The following THUMPD2 variants were observed in gnomAD, a reference collection of about 807,000 sequenced individuals.
The protein encoded by THUMPD2 is THUMP domain 2 tRNA and snRNA guanosine methyltransferase.
A neutral mutation model predicts 49.4 loss-of-function variants in THUMPD2; 56 were observed. The ratio of observed to expected loss-of-function variants is 1.13; its 90% CI spans 0.91 to 1.41. The LOEUF (loss-of-function observed/expected upper bound fraction) is 1.41, where lower values mean the gene tolerates loss of function less well. Among genes scored for constraint, THUMPD2 ranks in the 40% most tolerant of loss-of-function variants. The pLI, the probability that THUMPD2 is intolerant of heterozygous loss-of-function variation, is 0.00. For missense variants in THUMPD2, 709 were observed against 594.5 expected, an observed-to-expected ratio of 1.19 and a Z score of -2.00; for synonymous variants, 237 against 205.2, an observed-to-expected ratio of 1.15 and a Z score of -1.32.
At chr2:39,766,291 A>G in intron 4 of THUMPD2, 182 bp from the exon 5 acceptor site, 1 of 443,976 alleles carries the variant, frequency 2.3e-6, no homozygotes, top group Non-Finnish European at 4.0e-6. Flanking sequence ...GAAGGAAACT[A>G]AATTTTAAGT....
chr2:39,749,421 T>C (rs1675082907), intron 8 of THUMPD2, among the ~76,000 whole-genome samples: 1 of 152,230 alleles, frequency 6.6e-6, no homozygotes, highest in African/African-American at 2.4e-5. Flanking sequence ...CAGCTTCATT[T>C]TGCTTAGGTG....
At chr2:39,751,909 A>G (rs1448457920) in intron 8 of THUMPD2, among the ~76,000 whole-genome samples, 1 of 152,120 alleles carries the variant, frequency 6.6e-6, no homozygotes, top group Non-Finnish European at 1.5e-5. Flanking sequence ...CTGGTCTCGA[A>G]TTCTTGAGCT....
Position 39,737,066 on chromosome 2 carries a change from C to G in THUMPD2, c.1188-7G>C, listed in dbSNP as rs748483013. 6 of 1,368,470 alleles carry G rather than the reference C, an allele frequency of 4.4e-6. No homozygotes were observed. Among genetic ancestry groups the G allele is most frequent in the Non-Finnish European group, 5.9e-6 (6 of 1,016,064 alleles). The allele number at this position is 1,368,470 out of a possible 1,614,324, so 84.8% of individuals were successfully genotyped here. A position where few individuals can be genotyped will look rare whatever the true frequency, so the allele number is the denominator to read the frequency against. ...TCCGCCAACATGAAGCACTCTGTGA[C>G]AAAAAAAAAATGGTAATTGCTATCT... is the stretch of plus-strand genomic sequence containing the variant. On this transcript the variant is annotated splice_region_variant and splice_polypyrimidine_tract_variant and intron_variant, in intron 9 of 9. Transcript: ENST00000505747.
rs76235339 is a variant in THUMPD2, at chr2:39,778,032, C to A, written c.126+1082G>T. Reference sequence around the variant, plus strand: ...TATACTCATTCTTGATTTCCCAGCTCGGGTTTGAATCCCATCTTTGCGATT... The same window carrying A: ...TATACTCATTCTTGATTTCCCAGCTAGGGTTTGAATCCCATCTTTGCGATT... On this transcript the variant is annotated intron_variant, in intron 1 of 9. Transcript: ENST00000505747. 5.5e-3 allele frequency among the ~76,000 whole-genome samples: 843 copies of A among 152,250 alleles called. 30 individuals carry two copies. In the East Asian group the frequency reaches 0.092, roughly 17 times the overall value.
At chr2:39,778,994 G>T in intron 1 of THUMPD2, 120 bp downstream of exon 1, 2 of 1,270,490 alleles carry the variant, frequency 1.6e-6, no homozygotes, top group Non-Finnish European at 1.0e-6. Flanking sequence ...GGGGGTCGGC[G>T]ACCGTCGCGT....
intron 8 of THUMPD2, among the ~76,000 whole-genome samples, chr2:39,747,320 G>T (rs976125779): frequency 2.6e-5 from 4 of 152,110 alleles, no homozygotes; most frequent in African/African-American, 7.2e-5. Context: ...TGCTGAATTT[G>T]TTTTCTTTGA....
At chr2:39,742,153 C>A (rs575028356) in intron 9 of THUMPD2, among the ~76,000 whole-genome samples, 1 of 152,136 alleles carries the variant, frequency 6.6e-6, no homozygotes, top group African/African-American at 2.4e-5. Context: ...TACTTCACCA[C>A]TATATTATGC....
rs1677470754 is a variant in THUMPD2, at chr2:39,766,059, G to A, written c.801C>T (p.Phe267=). 1.3e-6 allele frequency: 2 copies of A among 1,580,860 alleles called. No individual in the cohort carries two copies. The highest frequency in any genetic ancestry group is 1.2e-5 in the South Asian group (1 of 84,636). The part of the protein sequence containing the change: ...DIYSVVGIPV[F]RVSLASRAYI... ...AACCGGAAGCTTAGAATATCTACCT[G>A]AACACAGGAATCCCCACCACAGAGT... Residue 267 remains phenylalanine, a splice_region_variant and synonymous_variant, in exon 5 of 10, where the codon TTC becomes TTT. Coordinates refer to ENST00000505747, the MANE Select transcript of THUMPD2 (RefSeq NM_025264.5).
chr2:39,769,087 A>C, intron 3 of THUMPD2: 1 of 1,304,188 alleles, frequency 7.7e-7, no homozygotes, highest in Non-Finnish European at 1.0e-6. Flanking sequence ...AATCCCATGT[A>C]CAGGACCTGT....
rs1259917754 is a variant in THUMPD2 at position 39,769,680 on chromosome 2, G to A, written c.672+30C>T. 6.1e-6 allele frequency: 9 copies of A among 1,473,332 alleles called. No homozygotes were observed. In the East Asian group the frequency reaches 1.3e-4, roughly 21 times the overall value. 91.3% of individuals were successfully genotyped at this position (1,473,332 alleles called of 1,614,324 possible). A position where few individuals can be genotyped will look rare whatever the true frequency, so the allele number is the denominator to read the frequency against. ...TGTGCAACTGCATTCCAGCCTGGGC[G>A]ACAGACTCCACTTTAGGATGCAAGC... On this transcript the variant is annotated intron_variant, in intron 3 of 9. Transcript: ENST00000505747.
chr2:39,769,948 T>C lies in THUMPD2; in HGVS notation c.434A>G (p.Lys145Arg). Residue 145 changes from lysine (K) to arginine (R), a missense_variant, in exon 3 of 10, where the codon AAG (lysine) becomes AGG (arginine). Transcript: ENST00000505747. Reference sequence around the variant, plus strand: ...TTGCATTTGTTCTATTTTTAATTTCTTTGCAATGATTTCATTTTCTCCCAC... The same window carrying C: ...TTGCATTTGTTCTATTTTTAATTTCCTTGCAATGATTTCATTTTCTCCCAC... The part of the protein sequence containing the change: ...RKVGENEIIA[K>R]KLKIEQMQKI... The C allele has an allele frequency of 6.3e-7, 1 of 1,577,864 alleles. No individual in the cohort carries two copies. Among genetic ancestry groups the C allele is most frequent in the Non-Finnish European group, 8.5e-7 (1 of 1,170,166 alleles).
intron 8 of THUMPD2, among the ~76,000 whole-genome samples, chr2:39,746,650 G>C (rs1674632477): frequency 2.6e-5 from 4 of 151,892 alleles, no homozygotes; most frequent in Admixed American, 2.0e-4. Flanking sequence ...AAAAAATTTA[G>C]TTTTAAAATA....
At position 39,768,344 on chromosome 2, in the gene THUMPD2, G is replaced by A. The variant is rs528180344; in HGVS notation, c.750+80C>T. On this transcript the variant is annotated intron_variant, in intron 4 of 9. Transcript: ENST00000505747. ...CTTTTTATAACTGTAAAATAAAACG[G>A]AAAAGTATGATAAGAATACAGGACA... 6.6e-6 allele frequency: 8 copies of A among 1,219,534 alleles called. No homozygotes were observed. In the East Asian group the frequency reaches 1.4e-4, roughly 21 times the overall value. 75.5% of individuals were successfully genotyped at this position (1,219,534 alleles called of 1,614,324 possible).
intron 5 of THUMPD2, among the ~76,000 whole-genome samples, chr2:39,762,777 T>C (rs896121451): frequency 1.3e-5 from 2 of 150,300 alleles, no homozygotes. Context: ...AGAGTTTGCA[T>C]TCTAGATACC....
rs1677477248 is a variant in THUMPD2, at chr2:39,766,098, A to G, written c.762T>C (p.His254=). Residue 254 remains histidine (H), a synonymous_variant, in exon 5 of 10, where the codon CAT becomes CAC. Coordinates refer to ENST00000505747, the MANE Select transcript of THUMPD2 (RefSeq NM_025264.5). ...CCACCACAGAGTAAATGTCATTTAG[A>G]TGTATAAAGATCTGAAAGAACAAAC... ...LRNPQLEIFI[H]LNDIYSVVGI... is the part of the protein sequence containing the mutation. The G allele has an allele frequency of 1.5e-5, 24 of 1,580,218 alleles. No homozygotes were observed. The highest frequency in any genetic ancestry group is 5.8e-5 in the Admixed American group (3 of 51,462).
intron 1 of THUMPD2, among the ~76,000 whole-genome samples, chr2:39,775,862 C>G (rs2148359006): frequency 6.8e-6 from 1 of 147,324 alleles, no homozygotes; most frequent in Middle Eastern, 3.7e-3. Context: ...ATGAAAATAA[C>G]TATGGAATAA....
At chr2:39,765,660 C>T (rs1372303126) in intron 5 of THUMPD2, among the ~76,000 whole-genome samples, 1 of 151,790 alleles carries the variant, frequency 6.6e-6, no homozygotes, top group East Asian at 1.9e-4. Context: ...GTTTTCTCCA[C>T]CCTTTCTGTC....
At chr2:39,775,018 G>A (rs1042610307) in intron 1 of THUMPD2, among the ~76,000 whole-genome samples, 1 of 152,180 alleles carries the variant, frequency 6.6e-6, no homozygotes, top group African/African-American at 2.4e-5. Flanking sequence ...GGTAGCTCAT[G>A]CCTATAATTC....
At chr2:39,768,622 G>C in intron 3 of THUMPD2, 121 bp from the exon 4 acceptor site, 2 of 831,394 alleles carry the variant, frequency 2.4e-6, no homozygotes. Context: ...TGGTAATTTA[G>C]AGTTCTGATA....
Sources: allele counts gnomAD v4.1 joint callset (sites outside exome capture counted in the v4.1 genomes callset), GRCh38; gene constraint gnomAD v4.1.1; transcripts MANE v1.5; gene names NCBI Gene and HGNC (gene_info 2026-07-23, HGNC 2026-07-21).